APAF1: variants seen among roughly 807,000 people sequenced by gnomAD.
The protein encoded by APAF1 is apoptotic peptidase activating factor 1.
Under a neutral mutation model 152.4 loss-of-function variants are expected in APAF1, and 91 were observed. That is an observed-to-expected ratio of 0.60 (90% confidence interval 0.50 to 0.71). The LOEUF (loss-of-function observed/expected upper bound fraction) is 0.71. APAF1 is among the 30% of genes least tolerant of loss of function. The probability of loss-of-function intolerance (pLI) is 0.00; values close to 1 mark genes in which losing one functional copy is unlikely to be tolerated. For synonymous variants in APAF1, 484 were observed against 494.1 expected (o/e 0.98, Z 0.27); for missense variants, 1,283 against 1,472.0 (o/e 0.87, Z 2.10).
At chr12:98,683,013 C>A (rs2097694083) in intron 14 of APAF1, 130 bp from the exon 15 acceptor site, 1 of 757,676 alleles carries the variant, frequency 1.3e-6, no homozygotes, top group Admixed American at 2.2e-5. Context: ...TCATTAGCAT[C>A]TTGTCCAACT....
At position 98,677,344 on chromosome 12, in the gene APAF1, C is replaced by T; in HGVS notation, c.1794-81C>T. 2.1e-6 allele frequency: 3 copies of T among 1,421,676 alleles called. No individual in the cohort carries two copies. The Admixed American group carries it at 5.3e-5, about 25-fold the overall frequency. 88.1% of individuals were successfully genotyped at this position (1,421,676 alleles called of 1,614,324 possible). On this transcript the variant is annotated intron_variant, in intron 12 of 26. Transcript: ENST00000551964. Reference sequence around the variant, plus strand: ...TGGGGAACATAACCATGTTAAAAGACAGTTTATTTTAGTACTGAAAGAAAA... The same window carrying T: ...TGGGGAACATAACCATGTTAAAAGATAGTTTATTTTAGTACTGAAAGAAAA...
chr12:98,715,111 C>G (rs1266926220), intron 21 of APAF1, among the ~76,000 whole-genome samples: 4 of 144,936 alleles, frequency 2.8e-5, no homozygotes, highest in Non-Finnish European at 6.0e-5. Context: ...CAGACAGCCA[C>G]TTGTTTGATG....
At chr12:98,660,583 T>C (rs556651229) in intron 5 of APAF1, among the ~76,000 whole-genome samples, 2 of 152,376 alleles carry the variant, frequency 1.3e-5, no homozygotes, top group South Asian at 4.1e-4. Context: ...GTTTAGTTGC[T>C]GCTTGTCTTA....
At chr12:98,661,756 ATT>A (rs11334064) in intron 5 of APAF1, among the ~76,000 whole-genome samples, 1 of 147,022 alleles carries the variant, frequency 6.8e-6, no homozygotes. Context: ...GGCCTAGAGT[ATT>A]TTTTTTTTTG....
At chr12:98,673,446 A>C (rs187753923) in intron 12 of APAF1, among the ~76,000 whole-genome samples, 60 of 151,892 alleles carry the variant, frequency 4.0e-4, no homozygotes, top group Admixed American at 6.6e-4. Context: ...AAAAAACAAA[A>C]AAAAAAAAAA....
intron 16 of APAF1, among the ~76,000 whole-genome samples, chr12:98,696,102 A>G (rs1198304736): frequency 6.6e-6 from 1 of 152,190 alleles, no homozygotes; most frequent in African/African-American, 2.4e-5. Context: ...GAGTTTGGAA[A>G]TGGTCTGTGT....
intron 17 of APAF1, among the ~76,000 whole-genome samples, chr12:98,701,237 A>G (rs544225180): frequency 6.6e-6 from 1 of 152,308 alleles, no homozygotes; most frequent in African/African-American, 2.4e-5. Context: ...CTTGGGTTGT[A>G]TATCACATTT....
At chr12:98,653,691 A>AAAATATAT (rs2097652376) in intron 4 of APAF1, among the ~76,000 whole-genome samples, 2 of 15,104 alleles carry the variant, frequency 1.3e-4, no homozygotes, top group Non-Finnish European at 2.6e-4. Context: ...AAAAAAAAAA[A>AAAATATAT]ATATATATAT....
At chr12:98,694,645 T>C (rs1446985427) in intron 16 of APAF1, among the ~76,000 whole-genome samples, 1 of 152,158 alleles carries the variant, frequency 6.6e-6, no homozygotes, top group East Asian at 1.9e-4. Context: ...TTTTATCTTT[T>C]TATGGGCATT....
At chr12:98,669,302 A>G (rs1308960059) in intron 10 of APAF1, among the ~76,000 whole-genome samples, 1 of 152,160 alleles carries the variant, frequency 6.6e-6, no homozygotes, top group African/African-American at 2.4e-5. Context: ...AGCTTTTGAC[A>G]TGTATGATAG....
chr12:98,669,240 T>G (rs946697910), intron 10 of APAF1, among the ~76,000 whole-genome samples: 2 of 152,238 alleles, frequency 1.3e-5, no homozygotes, highest in African/African-American at 4.8e-5. Context: ...CCTATGTTGT[T>G]TCCTTGGCAA....
At chr12:98,661,062 G>A (rs771161001) in intron 5 of APAF1, among the ~76,000 whole-genome samples, 8 of 152,088 alleles carry the variant, frequency 5.3e-5, no homozygotes, top group South Asian at 4.2e-4. Context: ...ACCACACGCC[G>A]GGCTAATTTT....
intron 24 of APAF1, among the ~76,000 whole-genome samples, chr12:98,724,203 A>G (rs1476169408): frequency 6.6e-6 from 1 of 152,064 alleles, no homozygotes; most frequent in Non-Finnish European, 1.5e-5. Flanking sequence ...GTCTTTCCAA[A>G]CTATAAACCT....
intron 10 of APAF1, among the ~76,000 whole-genome samples, chr12:98,670,378 C>A (rs1414290952): frequency 1.3e-5 from 2 of 152,112 alleles, no homozygotes; most frequent in Admixed American, 1.3e-4. Flanking sequence ...TTGTGGCTCC[C>A]ATCCTTTGTT....
intron 14 of APAF1, among the ~76,000 whole-genome samples, chr12:98,682,147 G>A (rs2097693046): frequency 1.4e-5 from 2 of 147,334 alleles, no homozygotes; most frequent in African/African-American, 2.5e-5. Flanking sequence ...TCCGACTCCC[G>A]GGTTCATGCC....
chr12:98,666,855 A>C (rs908539068), intron 9 of APAF1, among the ~76,000 whole-genome samples: 1 of 152,088 alleles, frequency 6.6e-6, no homozygotes, highest in Admixed American at 6.6e-5. Context: ...GGTGGTTTTT[A>C]AAAAATTTTT....
In APAF1 at chr12:98,662,809, A is replaced by G. The variant is rs544169539; in HGVS notation, c.955+3A>G. 2.4e-5 allele frequency: 39 copies of G among 1,606,982 alleles called. No homozygotes were observed. The South Asian group carries it at 3.7e-4, about 15-fold the overall frequency. ...TAGTATTATAAAAGAATGTAAAGGTATGGTTATTTATTTGTTTATGAGGAG... is the reference window on the plus strand; with the variant it reads ...TAGTATTATAAAAGAATGTAAAGGTGTGGTTATTTATTTGTTTATGAGGAG... On this transcript the variant is annotated splice_donor_region_variant and intron_variant, in intron 7 of 26. Transcript: ENST00000551964.
At chr12:98,709,915 G>A (rs1015782827) in intron 20 of APAF1, among the ~76,000 whole-genome samples, 1 of 152,198 alleles carries the variant, frequency 6.6e-6, no homozygotes, top group Non-Finnish European at 1.5e-5. Context: ...TCTCTCTGTT[G>A]CCTAGGCTGG....
intron 4 of APAF1, among the ~76,000 whole-genome samples, chr12:98,651,359 T>G (rs2097648727): frequency 6.6e-6 from 1 of 152,236 alleles, no homozygotes; most frequent in Non-Finnish European, 1.5e-5. Context: ...TGTGTACTCT[T>G]GTAAAATATG....
Sources: gnomAD v4.1 joint callset for allele counts (sites outside exome capture counted in the v4.1 genomes callset) on GRCh38, gnomAD v4.1.1 for gene constraint, MANE v1.5 for transcripts, NCBI Gene and HGNC (gene_info 2026-07-23, HGNC 2026-07-21) for gene names.